KIF1C: variants seen among roughly 807,000 people sequenced by gnomAD.
KIF1C encodes kinesin-like protein KIF1C.
Under a neutral mutation model 126.5 loss-of-function variants are expected in KIF1C, and 61 were observed. That is an observed-to-expected ratio of 0.48 (90% CI 0.39 to 0.60). The LOEUF is 0.60. Among genes scored for constraint, KIF1C ranks in the 20% least tolerant of loss-of-function variants. The probability of loss-of-function intolerance (pLI) is 0.00; values close to 1 mark genes in which losing one functional copy is unlikely to be tolerated. For synonymous variants in KIF1C, 640 were observed against 580.6 expected (o/e 1.10, Z -1.47); for missense variants, 1,315 against 1,489.2 (o/e 0.88, Z 1.93).
Position 5,024,000 on chromosome 17 carries a change from A to G in KIF1C, c.3161A>G (p.Gln1054Arg). The G allele has an allele frequency of 1.9e-6, 3 of 1,599,658 alleles. No homozygotes were observed. Among genetic ancestry groups the G allele is most frequent in the Non-Finnish European group, 2.6e-6 (3 of 1,172,676 alleles). Residue 1054 changes from glutamine (Q) to arginine (R), a missense_variant, in exon 23 of 23, where the codon CAG becomes CGG. By Grantham distance (43) the Gln-to-Arg change is conservative. Transcript: ENST00000320785. This position sits in a 1 kb window ranked among gnomAD's most constrained non-coding sequence, Gnocchi z 4.2. ...GCACAGCCTGAACCCCAGCACTTCC[A>G]GCCCAAAAAGCACAACTCTTATCCC... The part of the protein sequence containing the change: ...GSAQPEPQHF[Q>R]PKKHNSYPQP...
At chr17:5,001,597 C>T (rs1340689096) in intron 5 of KIF1C, among the ~76,000 whole-genome samples, 196 bp downstream of exon 5, 2 of 151,836 alleles carry the variant, frequency 1.3e-5, no homozygotes, top group Non-Finnish European at 2.9e-5. Flanking sequence ...AGGCAACGAG[C>T]CTCAGTGAGT....
At chr17:5,003,411 G>T (rs1403371676) in intron 8 of KIF1C, among the ~76,000 whole-genome samples, 1 of 152,072 alleles carries the variant, frequency 6.6e-6, no homozygotes, top group Non-Finnish European at 1.5e-5. Flanking sequence ...CCTGCGGTGG[G>T]CCTGTAGCTA....
At chr17:5,013,840 C>A in intron 17 of KIF1C, 108 bp downstream of exon 17, 1 of 784,362 alleles carries the variant, frequency 1.3e-6, no homozygotes, top group Non-Finnish European at 2.1e-6. Flanking sequence ...GGAGATACCT[C>A]AGATCTCTAA....
chr17:5,016,885 GAC>G (rs1688031807), intron 18 of KIF1C, among the ~76,000 whole-genome samples: 1 of 148,116 alleles, frequency 6.8e-6, no homozygotes, highest in Admixed American at 6.8e-5. Flanking sequence ...CAGCCTGGGT[GAC>G]AGAGTGAGAC....
rs1975196531 is a variant in KIF1C, at chr17:5,025,662, A to G, written c.*1511A>G. The G allele has an allele frequency of 6.6e-6, 1 of 152,150 alleles. No homozygotes were observed. Among genetic ancestry groups the G allele is most frequent in the Non-Finnish European group, 1.5e-5 (1 of 68,048 alleles). The allele number at this position is 152,150 out of a possible 1,614,324, so 9.4% of individuals were successfully genotyped here. ...AACCCCATCTCTACTAAAAATAAAAATAAAAAAATTAGCCGGGCATGGTGG... is the reference window on the plus strand; with the variant it reads ...AACCCCATCTCTACTAAAAATAAAAGTAAAAAAATTAGCCGGGCATGGTGG... On this transcript the variant is annotated 3_prime_UTR_variant, in exon 23 of 23. Coordinates refer to ENST00000320785, the MANE Select transcript of KIF1C (RefSeq NM_006612.6).
Position 5,026,994 on chromosome 17 carries a change from G to C in KIF1C, c.*2843G>C, listed in dbSNP as rs1256308239. ...TTACTTAGATTTTATTCAGAGTAGT[G>C]CCTGTTTATTTTTCATCTGTGCTAC... On this transcript the variant is annotated 3_prime_UTR_variant, in exon 23 of 23. Transcript: ENST00000320785. 2 of 152,152 alleles carry C rather than the reference G, an allele frequency of 1.3e-5. No individual in the cohort carries two copies. Among genetic ancestry groups the C allele is most frequent in the Non-Finnish European group, 2.9e-5 (2 of 68,048 alleles). The allele number at this position is 152,152 out of a possible 1,614,324, so 9.4% of individuals were successfully genotyped here.
chr17:5,013,232 G>A (rs774798909), intron 16 of KIF1C, among the ~76,000 whole-genome samples: 4 of 152,156 alleles, frequency 2.6e-5, no homozygotes, highest in Admixed American at 1.3e-4. Context: ...TACATTTTGA[G>A]GAAAGAAATG....
chr17:5,003,538 C>A, intron 8 of KIF1C, 74 bp from the exon 9 acceptor site: 2 of 1,069,788 alleles, frequency 1.9e-6, no homozygotes, highest in Non-Finnish European at 2.8e-6. Flanking sequence ...CACATTCCTG[C>A]TGGGTGCTTC....
chr17:5,021,533 G>A (rs55876833), intron 21 of KIF1C, among the ~76,000 whole-genome samples: 12,417 of 151,956 alleles, frequency 0.082, 671 homozygotes, highest in Middle Eastern at 0.12. Context: ...TGGCTGGAGT[G>A]CAGTGGCCTG....
At chr17:5,013,851 A>G in intron 17 of KIF1C, 119 bp downstream of exon 17, 1 of 713,720 alleles carries the variant, frequency 1.4e-6, no homozygotes, top group Non-Finnish European at 2.4e-6. Flanking sequence ...AGATCTCTAA[A>G]CAGCTGCCTC....
At position 5,014,820 on chromosome 17, in the gene KIF1C, C is replaced by T; in HGVS notation, c.1649C>T (p.Pro550Leu). 1.3e-6 allele frequency: 2 copies of T among 1,595,800 alleles called. No homozygotes were observed. The highest frequency in any genetic ancestry group is 1.7e-4 in the Middle Eastern group (1 of 6,050). ...REQHCLFRSI[P>L]QPDGEVVVTL... ...CAACACTGTCTGTTCCGGAGCATCC[C>T]CCAGCCAGATGGAGAAGGTAATGGC... The change falls in exon 18 of 23, where the codon CCC becomes CTC. Residue 550 changes from proline to leucine, a missense_variant. Physicochemically the swap from Pro to Leu is moderately conservative, Grantham distance 98. Coordinates refer to ENST00000320785, the MANE Select transcript of KIF1C (RefSeq NM_006612.6).
At position 5,023,191 on chromosome 17, in the gene KIF1C, T is replaced by TA. The variant is rs2143391305; in HGVS notation, c.2629-277_2629-276insA. Among the ~76,000 whole-genome samples the TA allele has an allele frequency of 6.6e-6, 1 of 152,242 alleles. No individual in the cohort carries two copies. Among genetic ancestry groups the TA allele is most frequent in the South Asian group, 2.1e-4 (1 of 4,824 alleles). ...CACCACACCCGGCTAATTTTTTTTT[T>TA]TTGTATTTTAGTAGAGACGGGGTTT... is the stretch of plus-strand genomic sequence containing the variant. On this transcript the variant is annotated intron_variant, in intron 22 of 22. Coordinates refer to ENST00000320785, the MANE Select transcript of KIF1C (RefSeq NM_006612.6). This position sits in a 1 kb window ranked among gnomAD's most constrained non-coding sequence, Gnocchi z 4.2.
intron 16 of KIF1C, among the ~76,000 whole-genome samples, chr17:5,010,896 C>T (rs78163038): frequency 9.3e-4 from 140 of 150,904 alleles, no homozygotes; most frequent in Non-Finnish European, 1.6e-3. Flanking sequence ...CTGCAAGCTC[C>T]GCCTCCCGGG....
intron 17 of KIF1C, among the ~76,000 whole-genome samples, chr17:5,014,517 A>G (rs1277256788): frequency 6.6e-6 from 1 of 152,118 alleles, no homozygotes; most frequent in Non-Finnish European, 1.5e-5. Flanking sequence ...CATGGTGACT[A>G]AGAGCATGGC....
At position 5,013,725 on chromosome 17, in the gene KIF1C, G is replaced by A. The variant is rs1206981630; in HGVS notation, c.1564G>A (p.Val522Ile). The A allele has an allele frequency of 9.9e-6, 16 of 1,613,478 alleles. No individual in the cohort carries two copies. Among genetic ancestry groups the A allele is most frequent in the East Asian group, 4.5e-5 (2 of 44,886 alleles). Residue 522 changes from valine (V) to isoleucine (I), a missense_variant, in exon 17 of 23, where the codon GTC becomes ATC. Transcript: ENST00000320785. ...ECLLYHIKDG[V>I]TRVGQVDMDI... ...TCTGCTCTACCACATCAAAGATGGC[G>A]TCACCAGGTAGCGTGTACCCAGCGG...
chr17:5,003,108 G>A (rs904774722), intron 8 of KIF1C, among the ~76,000 whole-genome samples: 2 of 151,162 alleles, frequency 1.3e-5, no homozygotes, highest in African/African-American at 4.9e-5. Flanking sequence ...GCAGTGGTGC[G>A]ATGTCAGCTC....
At chr17:5,010,186 G>A (rs375484587) in intron 16 of KIF1C, among the ~76,000 whole-genome samples, 1 of 152,146 alleles carries the variant, frequency 6.6e-6, no homozygotes, top group African/African-American at 2.4e-5. Context: ...TTGGCCTCCT[G>A]AAGTGCTGGT....
Position 5,002,566 on chromosome 17 carries a change from G to A in KIF1C, c.532G>A (p.Val178Met), listed in dbSNP as rs372500741. 15 of 1,613,944 alleles carry A rather than the reference G, an allele frequency of 9.3e-6. No individual in the cohort carries two copies. The highest frequency in any genetic ancestry group is 4.4e-5 in the South Asian group (4 of 91,086). The change falls in exon 7 of 23, where the codon GTG (valine) becomes ATG (methionine). Residue 178 changes from valine to methionine, a missense_variant. Val to Met is a conservative substitution (Grantham distance 21). Coordinates refer to ENST00000320785, the MANE Select transcript of KIF1C (RefSeq NM_006612.6). ...VREHPILGPY[V>M]QDLSKLAVTS... The stretch of plus-strand genomic sequence containing the variant: ...GGAGCACCCCATCCTGGGCCCGTAC[G>A]TGCAGGACCTGTCCAAATTGGCTGT...
Position 5,002,484 on chromosome 17 carries a change from C to T in KIF1C, c.450C>T (p.Tyr150=), listed in dbSNP as rs1974620339. The change falls in exon 7 of 23, where the codon TAC becomes TAT. Residue 150 remains tyrosine, a synonymous_variant. Transcript: ENST00000320785. The stretch of plus-strand genomic sequence containing the variant: ...CTCAGGTGAGCTATATGGAGATCTA[C>T]TGTGAGCGGGTACGAGACCTCTTGA... The part of the protein sequence containing the change: ...YSVEVSYMEI[Y]CERVRDLLNP... 1 of 1,607,112 alleles carries T rather than the reference C, an allele frequency of 6.2e-7. No individual in the cohort carries two copies.
Sources: gnomAD v4.1 joint callset for allele counts (sites outside exome capture counted in the v4.1 genomes callset) on GRCh38, gnomAD v4.1.1 for gene constraint, Gnocchi (gnomAD v3.1) non-coding constraint, MANE v1.5 for transcripts, NCBI Gene and HGNC (gene_info 2026-07-23, HGNC 2026-07-21) for gene names.